ANKIB1: variants seen among roughly 807,000 people sequenced by gnomAD.
The protein encoded by ANKIB1 is ankyrin repeat and IBR domain-containing protein 1.
Under a neutral mutation model 122.1 loss-of-function variants are expected in ANKIB1, and 43 were observed. The observed-to-expected ratio is 0.35, with a 90% CI of 0.28 to 0.45. ANKIB1 has a LOEUF of 0.45. Ranked by LOEUF, ANKIB1 falls within the 20% of genes least tolerant of loss-of-function variation. ANKIB1 has a pLI of 1.00. For synonymous variants in ANKIB1, 390 were observed against 442.0 expected, an observed-to-expected ratio of 0.88 and a Z score of 1.48; for missense variants, 992 against 1,329.5, an observed-to-expected ratio of 0.75 and a Z score of 3.95.
chr7:92,296,626 G>A (rs889404558), intron 2 of ANKIB1, among the ~76,000 whole-genome samples: 1 of 152,008 alleles, frequency 6.6e-6, no homozygotes, highest in African/African-American at 2.4e-5. Context: ...TTTGCCTCAC[G>A]TATTTGCTAT....
At chr7:92,266,558 G>A (rs1252738701) in intron 1 of ANKIB1, among the ~76,000 whole-genome samples, 2 of 152,118 alleles carry the variant, frequency 1.3e-5, no homozygotes, top group Non-Finnish European at 2.9e-5. Flanking sequence ...GAACTCACCT[G>A]TAGAAAACCC....
Position 92,351,044 on chromosome 7 carries a change from A to G in ANKIB1, c.1180A>G (p.Ser394Gly). The G allele has an allele frequency of 6.3e-7, 1 of 1,594,816 alleles. No individual in the cohort carries two copies. Among genetic ancestry groups the G allele is most frequent in the Non-Finnish European group, 8.5e-7 (1 of 1,169,618 alleles). The change falls in exon 8 of 20, where the codon AGT becomes GGT. Residue 394 changes from serine to glycine, a missense_variant. This residue lies in a region of ANKIB1 where 521 missense variants were observed against 777.7 expected (regional missense o/e 0.67). Transcript: ENST00000265742. ...ACTTGTACCTGTGGATATCATAGAA[A>G]GTGTAGTTTCAAAGGAGATGGACAA... ...FQLVPVDIIE[S>G]VVSKEMDKRY...
rs869276384 is a variant in ANKIB1, at chr7:92,309,923, T to TA, written c.486+2287dup. Among the ~76,000 whole-genome samples, 912 of 96,030 alleles carry TA rather than the reference T, an allele frequency of 9.5e-3. 20 individuals are homozygous for TA. The highest frequency in any genetic ancestry group is 0.031 in the African/African-American group (712 of 22,680). 63.0% of individuals were successfully genotyped at this position (96,030 alleles called of 152,430 possible). A position where few individuals can be genotyped will look rare whatever the true frequency, so the allele number is the denominator to read the frequency against. ...CTGGGCAACAGAGCGAGACTCCATC[T>TA]AAAAAAAAAAAAAAAAAAAATATAT... On this transcript the variant is annotated intron_variant, in intron 3 of 19. Transcript: ENST00000265742.
chr7:92,361,976 AT>A, intron 9 of ANKIB1, among the ~76,000 whole-genome samples: 1 of 150,986 alleles, frequency 6.6e-6, no homozygotes, highest in East Asian at 1.9e-4. Flanking sequence ...CGCCCGACTA[AT>A]TTTTTGTATT....
chr7:92,367,009 G>GA (rs1171917421), intron 10 of ANKIB1, among the ~76,000 whole-genome samples: 2 of 152,006 alleles, frequency 1.3e-5, no homozygotes, highest in South Asian at 4.1e-4. Context: ...GCGGGACTGT[G>GA]AAAAAATGTC....
chr7:92,360,074 A>AT lies in ANKIB1; in HGVS notation c.1398-2102dup, dbSNP rs149922393. Among the ~76,000 whole-genome samples the AT allele has an allele frequency of 1.5e-3, 221 of 151,524 alleles. 1 individual carries two copies. The highest frequency in any genetic ancestry group is 5.6e-3 in the Admixed American group (85 of 15,198). ...ATTACCCTTTCAAGGCAATTGGTGC[A>AT]TTTTTTTTTACCATGTAACCATTTT... On this transcript the variant is annotated intron_variant, in intron 9 of 19. Transcript: ENST00000265742.
At chr7:92,268,060 G>A (rs1801710793) in intron 1 of ANKIB1, among the ~76,000 whole-genome samples, 1 of 152,132 alleles carries the variant, frequency 6.6e-6, no homozygotes, top group East Asian at 1.9e-4. Context: ...ATGAGGAGAG[G>A]AAAACATTCT....
At chr7:92,347,349 T>G (rs567542857) in intron 7 of ANKIB1, among the ~76,000 whole-genome samples, 1 of 152,312 alleles carries the variant, frequency 6.6e-6, no homozygotes, top group East Asian at 1.9e-4. Context: ...TTAGTGTATT[T>G]TTTGTGTAGC....
At chr7:92,326,464 G>A (rs1035056864) in intron 4 of ANKIB1, among the ~76,000 whole-genome samples, 3 of 152,070 alleles carry the variant, frequency 2.0e-5, no homozygotes, top group Non-Finnish European at 4.4e-5. Context: ...GAACATTTAG[G>A]ATATAAGACC....
At chr7:92,322,278 G>GT (rs1802928396) in intron 4 of ANKIB1, among the ~76,000 whole-genome samples, 1 of 151,996 alleles carries the variant, frequency 6.6e-6, no homozygotes, top group African/African-American at 2.4e-5. Flanking sequence ...GGTAATAATA[G>GT]TAGGCATTAT....
intron 1 of ANKIB1, among the ~76,000 whole-genome samples, chr7:92,267,116 A>G (rs1801687603): frequency 6.6e-6 from 1 of 152,228 alleles, no homozygotes; most frequent in Admixed American, 6.5e-5. Context: ...AGGTATGTAA[A>G]CAACTCTTTC....
intron 10 of ANKIB1, among the ~76,000 whole-genome samples, chr7:92,366,807 C>T (rs904593512): frequency 6.6e-6 from 1 of 152,168 alleles, no homozygotes; most frequent in Non-Finnish European, 1.5e-5. Flanking sequence ...AATGTCCTGC[C>T]ACACAGCATA....
intron 17 of ANKIB1, among the ~76,000 whole-genome samples, chr7:92,395,106 G>GCCT (rs1417558562): frequency 1.3e-5 from 2 of 152,044 alleles, no homozygotes; most frequent in Non-Finnish European, 2.9e-5. Context: ...ATGTACCCTG[G>GCCT]CCTCCTCTCT....
intron 7 of ANKIB1, chr7:92,348,028 C>A: frequency 4.6e-6 from 2 of 436,062 alleles, no homozygotes; most frequent in East Asian, 7.3e-5. Context: ...TAAGGTTTGC[C>A]CCAGATTTCT....
At chr7:92,252,276 G>A (rs1801343828) in intron 1 of ANKIB1, among the ~76,000 whole-genome samples, 2 of 151,978 alleles carry the variant, frequency 1.3e-5, no homozygotes, top group African/African-American at 4.8e-5. Context: ...TTTGGTGGGT[G>A]TCATTGATGA....
At chr7:92,308,074 G>A (rs1421453245) in intron 3 of ANKIB1, among the ~76,000 whole-genome samples, 1 of 151,948 alleles carries the variant, frequency 6.6e-6, no homozygotes, top group Non-Finnish European at 1.5e-5. Flanking sequence ...GTTTCACCAT[G>A]TTGGCCAGGA....
At chr7:92,345,172 C>G in intron 7 of ANKIB1, 106 bp downstream of exon 7, 1 of 753,700 alleles carries the variant, frequency 1.3e-6, no homozygotes, top group Non-Finnish European at 2.2e-6. Context: ...TTTATATTGA[C>G]TTCTGAGTTA....
chr7:92,379,664 G>C (rs1474980325), intron 11 of ANKIB1, among the ~76,000 whole-genome samples: 1 of 152,210 alleles, frequency 6.6e-6, no homozygotes, highest in African/African-American at 2.4e-5. Flanking sequence ...CTACTGGGCA[G>C]TTGTGTGAGA....
intron 4 of ANKIB1, among the ~76,000 whole-genome samples, chr7:92,321,742 G>A (rs534109002): frequency 5.9e-5 from 9 of 152,020 alleles, no homozygotes; most frequent in East Asian, 3.9e-4. Context: ...CAACAATTTC[G>A]GAGCTTTATA....
Sources: allele counts gnomAD v4.1 joint callset (sites outside exome capture counted in the v4.1 genomes callset), GRCh38; gene constraint gnomAD v4.1.1; regional missense constraint gnomAD v4.1.1; transcripts MANE v1.5; gene names NCBI Gene and HGNC (gene_info 2026-07-23, HGNC 2026-07-21).